CDK11B: variants seen among roughly 807,000 people sequenced by gnomAD.
CDK11B encodes the protein cyclin dependent kinase 11B, also known as cyclin-dependent kinase 11B.
A neutral mutation model predicts 84.0 loss-of-function variants in CDK11B; 37 were observed. The ratio of observed to expected loss-of-function variants is 0.44; its 90% confidence interval spans 0.34 to 0.58. CDK11B has a LOEUF of 0.58. Among genes scored for constraint, CDK11B ranks in the 20% least tolerant of loss-of-function variants. The pLI, the probability that CDK11B is intolerant of heterozygous loss-of-function variation, is 0.02. For synonymous variants in CDK11B, 269 were observed against 309.8 expected (o/e 0.87, Z 1.38); for missense variants, 427 against 834.0 (o/e 0.51, Z 6.01).
In CDK11B at chr1:1,636,479, A is replaced by T. The variant is rs150949339; in HGVS notation, c.1920T>A (p.Asp640Glu). 1 of 1,568,326 alleles carries T rather than the reference A, an allele frequency of 6.4e-7. No individual in the cohort carries two copies. Among genetic ancestry groups the T allele is most frequent in the Non-Finnish European group, 8.6e-7 (1 of 1,164,536 alleles). Residue 640 changes from aspartate to glutamate, a missense_variant and splice_region_variant, in exon 18 of 20, where the codon GAT (aspartate) becomes GAA (glutamate). Coordinates refer to ENST00000341832, the MANE Select transcript of CDK11B (RefSeq NM_033486.3). Reference sequence around the variant, plus strand: ...AGATTTTCTCACTAGGGGTCCCCAGATCCTGAAAGACAGAGGTGCTTCAAC... The same window carrying T: ...AGATTTTCTCACTAGGGGTCCCCAGTTCCTGAAAGACAGAGGTGCTTCAAC... ...EIDQINKVFK[D>E]LGTPSEKIWP...
Position 1,637,036 on chromosome 1 carries a change from C to T in CDK11B, c.1693-32G>A, listed in dbSNP as rs374134481. 5.6e-5 allele frequency: 90 copies of T among 1,613,146 alleles called. No individual in the cohort carries two copies. In the African/African-American group the frequency reaches 1.0e-3, roughly 18 times the overall value. ...CGACAGATGGGCGGCTGTGAGTGGG[C>T]CCCGGCAGGTCTCCCTGGGATGGGC... On this transcript the variant is annotated intron_variant, in intron 15 of 19. Transcript: ENST00000341832.
rs1136978 is a variant in CDK11B at position 1,636,440 on chromosome 1, G to A, written c.1959C>T (p.Ser653=). 3,849 of 1,610,244 alleles carry A rather than the reference G, an allele frequency of 2.4e-3. 13 individuals are homozygous for A. The African/African-American group carries it at 0.034, about 14-fold the overall frequency. Residue 653 remains serine, a synonymous_variant, in exon 18 of 20, where the codon AGC becomes AGT. Coordinates refer to ENST00000341832, the MANE Select transcript of CDK11B (RefSeq NM_033486.3). The part of the protein sequence containing the change: ...TPSEKIWPGY[S]ELPAVKKMTF... ...TCATCTTCTTGACTGCTGGGAGCTC[G>A]CTGTAGCCGGGCCAGATTTTCTCAC...
chr1:1,652,268 G>A (rs1642118359), intron 4 of CDK11B, among the ~76,000 whole-genome samples, 171 bp downstream of exon 4: 1 of 152,080 alleles, frequency 6.6e-6, no homozygotes, highest in Admixed American at 6.6e-5. Flanking sequence ...CATGCTTTTA[G>A]CTAGAGTATT....
Position 1,655,433 on chromosome 1 carries a change from C to G in CDK11B, c.163G>C (p.Asp55His), listed in dbSNP as rs1294942464. The G allele has an allele frequency of 6.2e-7, 1 of 1,613,326 alleles. No individual in the cohort carries two copies. Among genetic ancestry groups the G allele is most frequent in the Non-Finnish European group, 8.5e-7 (1 of 1,179,482 alleles). The change falls in exon 3 of 20, where the codon GAT (aspartate) becomes CAT (histidine). Residue 55 changes from aspartate (D) to histidine (H), a missense_variant. Asp to His is a moderately conservative substitution (Grantham distance 81). Coordinates refer to ENST00000341832, the MANE Select transcript of CDK11B (RefSeq NM_033486.3). Reference protein sequence around the residue: ...RDSLEEGELRDHRMEITIRNS... With the variant: ...RDSLEEGELRHHRMEITIRNS... The stretch of plus-strand genomic sequence containing the variant: ...CTTATTGTGATCTCCATGCGGTGAT[C>G]TCTCAGCTCCCCCTCCTCAAGGGAA...
chr1:1,649,870 C>A (rs1290529372), intron 4 of CDK11B, among the ~76,000 whole-genome samples: 1 of 146,230 alleles, frequency 6.8e-6, no homozygotes, highest in Non-Finnish European at 1.5e-5. Context: ...AGCTACTAAG[C>A]GAGGCTGAGG....
At chr1:1,648,308 CT>C (rs1314904898) in intron 5 of CDK11B, among the ~76,000 whole-genome samples, 13,977 of 151,582 alleles carry the variant, frequency 0.092, 754 homozygotes, top group East Asian at 0.26. Flanking sequence ...ACAAGACACA[CT>C]CAATGTCTGG....
At chr1:1,652,850 C>T (rs1352705638) in intron 3 of CDK11B, among the ~76,000 whole-genome samples, 1 of 151,944 alleles carries the variant, frequency 6.6e-6, no homozygotes, top group Non-Finnish European at 1.5e-5. Flanking sequence ...CTCAGCCTCC[C>T]GAGTAGCTGG....
intron 18 of CDK11B, 28 bp downstream of exon 18, chr1:1,636,305 T>A: frequency 6.5e-7 from 1 of 1,544,538 alleles, no homozygotes; most frequent in Non-Finnish European, 8.7e-7. Flanking sequence ...GCTCGGGACC[T>A]CCCGCCACCC....
In CDK11B at chr1:1,637,424, T is replaced by A; in HGVS notation, c.1554A>T (p.Lys518Asn). 6.2e-7 allele frequency: 1 copy of A among 1,613,690 alleles called. No individual in the cohort carries two copies. Among genetic ancestry groups the A allele is most frequent in the Non-Finnish European group, 8.5e-7 (1 of 1,179,702 alleles). Residue 518 changes from lysine (K) to asparagine (N), a missense_variant, in exon 14 of 20, where the codon AAA becomes AAT. Coordinates refer to ENST00000341832, the MANE Select transcript of CDK11B (RefSeq NM_033486.3). ...HDLKSLMETM[K>N]QPFLPGEVKT... Reference sequence around the variant, plus strand: ...CGGCTGTACCTGGCAGGAAGGGCTGTTTCATGGTCTCCATCAGGCTCTTGA... The same window carrying A: ...CGGCTGTACCTGGCAGGAAGGGCTGATTCATGGTCTCCATCAGGCTCTTGA...
At chr1:1,636,827 G>A (rs753312104) in intron 16 of CDK11B, 29 bp from the exon 17 acceptor site, 16 of 1,613,498 alleles carry the variant, frequency 9.9e-6, no homozygotes, top group African/African-American at 1.3e-5. Context: ...TGTTCAGGAG[G>A]GCCAGTGCCC....
chr1:1,650,195 A>T (rs1195473657), intron 4 of CDK11B, among the ~76,000 whole-genome samples: 1 of 141,000 alleles, frequency 7.1e-6, no homozygotes, highest in East Asian at 2.3e-4. Context: ...GCGTGAACCC[A>T]GGAGATGGAA....
intron 2 of CDK11B, among the ~76,000 whole-genome samples, chr1:1,657,065 G>C (rs1435456740): frequency 3.4e-5 from 5 of 147,376 alleles, no homozygotes; most frequent in Non-Finnish European, 6.0e-5. Flanking sequence ...AAAATACTTA[G>C]AGATAGTATT....
At chr1:1,657,000 C>T (rs940517709) in intron 2 of CDK11B, among the ~76,000 whole-genome samples, 9 of 152,164 alleles carry the variant, frequency 5.9e-5, no homozygotes, top group African/African-American at 2.2e-4. Flanking sequence ...ACCATGCAAA[C>T]CAAGAAAGAT....
At chr1:1,646,394 C>G in intron 5 of CDK11B, 1 of 507,724 alleles carries the variant, frequency 2.0e-6, no homozygotes, top group South Asian at 1.4e-5. Flanking sequence ...CTCTAGGGAT[C>G]ACCGTATGCC....
At chr1:1,646,419 C>T (rs186612348) in intron 5 of CDK11B, 5 of 519,750 alleles carry the variant, frequency 9.6e-6, no homozygotes, top group Admixed American at 7.8e-5. Flanking sequence ...GATACTAGCT[C>T]AAGTCCAGTA....
At chr1:1,658,170 GA>G (rs70937185) in intron 1 of CDK11B, among the ~76,000 whole-genome samples, 1 of 146,196 alleles carries the variant, frequency 6.8e-6, no homozygotes, top group Non-Finnish European at 1.5e-5. Flanking sequence ...AAAAAAAAAA[GA>G]AAAAAAAACA....
intron 2 of CDK11B, among the ~76,000 whole-genome samples, chr1:1,656,860 G>C (rs1642822256): frequency 6.6e-6 from 1 of 152,290 alleles, no homozygotes; most frequent in South Asian, 2.1e-4. Context: ...GCATAATAAA[G>C]TGAAGTGCAA....
chr1:1,649,677 C>G, intron 4 of CDK11B, 40 bp from the exon 5 acceptor site: 1 of 1,602,000 alleles, frequency 6.2e-7, no homozygotes, highest in Non-Finnish European at 8.5e-7. Flanking sequence ...AACCTCACTT[C>G]AAAAATTTCA....
chr1:1,653,095 T>C (rs1553163193), intron 3 of CDK11B, among the ~76,000 whole-genome samples: 5 of 152,072 alleles, frequency 3.3e-5, no homozygotes, highest in African/African-American at 9.6e-5. Flanking sequence ...TCTCGGCTCA[T>C]TGCAACCTCC....
Sources: gnomAD v4.1 joint callset for allele counts (sites outside exome capture counted in the v4.1 genomes callset) on GRCh38, gnomAD v4.1.1 for gene constraint, MANE v1.5 for transcripts, NCBI Gene and HGNC (gene_info 2026-07-23, HGNC 2026-07-21) for gene names.